The following SLC5A8 variants were observed in gnomAD, a reference collection of about 807,000 sequenced individuals.
SLC5A8 encodes solute carrier family 5 member 8.
Under a neutral mutation model 71.9 loss-of-function variants are expected in SLC5A8, and 55 were observed. That is an observed-to-expected ratio of 0.77 (90% CI 0.62 to 0.96). The LOEUF (loss-of-function observed/expected upper bound fraction) is 0.96, where lower values mean the gene tolerates loss of function less well. SLC5A8 is among the 40% of genes least tolerant of loss of function. The pLI is 0.00. For missense variants in SLC5A8, 701 were observed against 745.3 expected (o/e 0.94, Z 0.69); for synonymous variants, 307 against 276.1 (o/e 1.11, Z -1.11).
At position 101,157,328 on chromosome 12, in the gene SLC5A8, A is replaced by C; in HGVS notation, c.1784T>G (p.Ile595Ser). ...GGTDNPAFNH[I>S]ELNSDQSGKS... ...GCCACTCTGATCTGAGTTCAATTCA[A>C]TGTGGTTGAAAGCAGGATTATCAGT... The change falls in exon 15 of 15, where the codon ATT (isoleucine) becomes AGT (serine). Residue 595 changes from isoleucine to serine, a missense_variant. By Grantham distance (142) the Ile-to-Ser change is moderately radical (BLOSUM62 -2). Coordinates refer to ENST00000536262, the MANE Select transcript of SLC5A8 (RefSeq NM_145913.5). 1 of 1,613,588 alleles carries C rather than the reference A, an allele frequency of 6.2e-7. No individual in the cohort carries two copies. The highest frequency in any genetic ancestry group is 2.2e-5 in the East Asian group (1 of 44,834).
intron 3 of SLC5A8, 84 bp downstream of exon 3, chr12:101,202,080 C>T: frequency 7.6e-7 from 1 of 1,317,262 alleles, no homozygotes; most frequent in Non-Finnish European, 1.1e-6. Context: ...TCCTCCATCT[C>T]CCCATCTCCC....
chr12:101,167,347 A>C (rs2051782999), intron 11 of SLC5A8, among the ~76,000 whole-genome samples: 2 of 152,188 alleles, frequency 1.3e-5, no homozygotes. Context: ...ACCAATTCCT[A>C]ATGCCTTATA....
At position 101,190,511 on chromosome 12, in the gene SLC5A8, C is replaced by T; in HGVS notation, c.790G>A (p.Val264Met). ...CTTTTACAAGAAATATATCTCTGCA[C>T]CTGGGATTGGTTGACACCGTAGATG... ...TSIYGVNQSQ[V>M]QRYISCKSRF... The change falls in exon 6 of 15, where the codon GTG (valine) becomes ATG (methionine). Residue 264 changes from valine (V) to methionine (M), a missense_variant. Coordinates refer to ENST00000536262, the MANE Select transcript of SLC5A8 (RefSeq NM_145913.5). 6.2e-7 allele frequency: 1 copy of T among 1,613,230 alleles called. No homozygotes were observed. The highest frequency in any genetic ancestry group is 1.1e-5 in the South Asian group (1 of 90,898).
At chr12:101,201,093 C>T (rs1336946544) in intron 3 of SLC5A8, among the ~76,000 whole-genome samples, 1 of 152,166 alleles carries the variant, frequency 6.6e-6, no homozygotes, top group Admixed American at 6.5e-5. Flanking sequence ...AGATTAAAGT[C>T]AGTCCTCTGG....
chr12:101,203,078 T>C (rs1465528503), intron 2 of SLC5A8, among the ~76,000 whole-genome samples: 1 of 152,226 alleles, frequency 6.6e-6, no homozygotes, highest in Non-Finnish European at 1.5e-5. Context: ...TTTAAAAACA[T>C]GACCACAGGC....
chr12:101,155,731 C>A lies in SLC5A8; in HGVS notation c.*1548G>T, dbSNP rs1456138939. ...TCCAGGCTGGACTTAAACTCTGGAC[C>A]TCAAGCGATCTTCCTGCCTCAGCCT... On this transcript the variant is annotated 3_prime_UTR_variant, in exon 15 of 15. Coordinates refer to ENST00000536262, the MANE Select transcript of SLC5A8 (RefSeq NM_145913.5). The A allele has an allele frequency of 6.6e-6, 1 of 150,714 alleles. No homozygotes were observed. Among genetic ancestry groups the A allele is most frequent in the Non-Finnish European group, 1.5e-5 (1 of 67,842 alleles). The allele number at this position is 150,714 out of a possible 1,614,324, so 9.3% of individuals were successfully genotyped here. A position where few individuals can be genotyped will look rare whatever the true frequency, so the allele number is the denominator to read the frequency against.
chr12:101,204,676 T>C (rs1011030537), intron 1 of SLC5A8, 111 bp from the exon 2 acceptor site: 9 of 685,572 alleles, frequency 1.3e-5, no homozygotes, highest in African/African-American at 1.8e-5. Flanking sequence ...AACTGATTTG[T>C]ATTCTGTATT....
chr12:101,183,655 T>G (rs781723401), intron 8 of SLC5A8, among the ~76,000 whole-genome samples: 1 of 152,180 alleles, frequency 6.6e-6, no homozygotes, highest in Non-Finnish European at 1.5e-5. Context: ...CTGTACATGT[T>G]GATAATAACA....
At chr12:101,187,598 G>A (rs753311546) in intron 6 of SLC5A8, 83 bp from the exon 7 acceptor site, 4 of 1,397,118 alleles carry the variant, frequency 2.9e-6, no homozygotes, top group Non-Finnish European at 3.9e-6. Flanking sequence ...GATCAAAAGA[G>A]ACCTTCATGA....
chr12:101,176,058 A>C (rs1482335762), intron 10 of SLC5A8, among the ~76,000 whole-genome samples: 1 of 152,100 alleles, frequency 6.6e-6, no homozygotes, highest in African/African-American at 2.4e-5. Flanking sequence ...AGAGATTGAC[A>C]GGATGGATTT....
chr12:101,166,741 T>C (rs1156782419), intron 11 of SLC5A8, 42 bp from the exon 12 acceptor site: 1 of 1,503,420 alleles, frequency 6.7e-7, no homozygotes, highest in Non-Finnish European at 8.9e-7. Flanking sequence ...TAATACAATT[T>C]GCTTTGATGT....
intron 2 of SLC5A8, among the ~76,000 whole-genome samples, chr12:101,203,111 A>G (rs1441660709): frequency 6.6e-6 from 1 of 152,134 alleles, no homozygotes; most frequent in Non-Finnish European, 1.5e-5. Flanking sequence ...ACTTATCCCT[A>G]CTTCTGATTT....
Position 101,195,078 on chromosome 12 carries a change from A to G in SLC5A8, c.537+17T>C, listed in dbSNP as rs1233763246. 3 of 1,613,484 alleles carry G rather than the reference A, an allele frequency of 1.9e-6. No homozygotes were observed. The highest frequency in any genetic ancestry group is 1.3e-5 in the African/African-American group (1 of 74,914). On this transcript the variant is annotated intron_variant, in intron 4 of 14. Transcript: ENST00000536262. The stretch of plus-strand genomic sequence containing the variant: ...GCAAGTGGGTAGAGTGAAAAGGGAA[A>G]TATGTCCTGGACGTACCAGTGTGCA...
intron 1 of SLC5A8, among the ~76,000 whole-genome samples, chr12:101,207,962 G>A (rs1430010501): frequency 2.6e-5 from 4 of 152,128 alleles, no homozygotes; most frequent in Non-Finnish European, 5.9e-5. Context: ...AAGTTTAATA[G>A]AGAGTGAGAG....
At chr12:101,187,212 T>C (rs907078243) in intron 7 of SLC5A8, among the ~76,000 whole-genome samples, 174 bp downstream of exon 7, 15 of 152,338 alleles carry the variant, frequency 9.8e-5, no homozygotes, top group Admixed American at 2.6e-4. Context: ...GCAGTACTCT[T>C]CATTCTTGCT....
chr12:101,166,407 G>C, intron 12 of SLC5A8, 87 bp downstream of exon 12: 1 of 1,145,994 alleles, frequency 8.7e-7, no homozygotes, highest in Admixed American at 2.4e-5. Context: ...AAATCACAGT[G>C]TTGTAAGCAA....
chr12:101,182,238 T>C (rs1019115032), intron 9 of SLC5A8, among the ~76,000 whole-genome samples: 2 of 152,198 alleles, frequency 1.3e-5, no homozygotes, highest in African/African-American at 4.8e-5. Flanking sequence ...AACAGACAAC[T>C]AAGACGAGTC....
chr12:101,160,867 T>C (rs2051717796), intron 13 of SLC5A8, among the ~76,000 whole-genome samples: 1 of 152,136 alleles, frequency 6.6e-6, no homozygotes, highest in Non-Finnish European at 1.5e-5. Flanking sequence ...AATGTTTGAC[T>C]AATAGGAGTT....
At chr12:101,200,739 G>T (rs924635865) in intron 3 of SLC5A8, among the ~76,000 whole-genome samples, 3 of 152,048 alleles carry the variant, frequency 2.0e-5, no homozygotes, top group South Asian at 4.2e-4. Context: ...AGGTAAGGGG[G>T]AGTGAATTAA....
Sources: allele counts gnomAD v4.1 joint callset (sites outside exome capture counted in the v4.1 genomes callset), GRCh38; gene constraint gnomAD v4.1.1; transcripts MANE v1.5; gene names NCBI Gene and HGNC (gene_info 2026-07-23, HGNC 2026-07-21).